Variants in POLR3A observed in about 807,000 individuals in gnomAD.
POLR3A encodes the protein DNA-directed RNA polymerase III subunit RPC1.
A neutral mutation model predicts 152.8 loss-of-function variants in POLR3A; 112 were observed. That is an observed-to-expected ratio of 0.73 (90% confidence interval 0.63 to 0.86). POLR3A has a LOEUF of 0.86. POLR3A is among the 40% of genes least tolerant of loss of function. The probability of loss-of-function intolerance (pLI) is 0.00; values close to 1 mark genes in which losing one functional copy is unlikely to be tolerated. For missense variants in POLR3A, 1,385 were observed against 1,743.1 expected, an observed-to-expected ratio of 0.79 and a Z score of 3.66; for synonymous variants, 615 against 652.1, an observed-to-expected ratio of 0.94 and a Z score of 0.87.
chr10:78,004,051 T>C (rs1847386357), intron 16 of POLR3A, among the ~76,000 whole-genome samples: 1 of 152,024 alleles, frequency 6.6e-6, no homozygotes, highest in South Asian at 2.1e-4. Flanking sequence ...CTGGCCAACA[T>C]GGTGAAACCC....
rs112379168 is a variant in POLR3A at position 77,980,039 on chromosome 10, C to T, written c.4024+102G>A. The T allele has an allele frequency of 1.3e-3, 1,351 of 1,044,670 alleles. 10 individuals are homozygous for T. The African/African-American group carries it at 0.017, about 13-fold the overall frequency. 64.7% of individuals were successfully genotyped at this position (1,044,670 alleles called of 1,614,324 possible). A position where few individuals can be genotyped will look rare whatever the true frequency, so the allele number is the denominator to read the frequency against. On this transcript the variant is annotated intron_variant, in intron 30 of 30. Transcript: ENST00000372371. Reference sequence around the variant, plus strand: ...TTGACATTATTCTTGAAAAAATAAACGCTCTGCCACTCAGTTTTTTTCATT... The same window carrying T: ...TTGACATTATTCTTGAAAAAATAAATGCTCTGCCACTCAGTTTTTTTCATT...
intron 21 of POLR3A, among the ~76,000 whole-genome samples, chr10:77,988,530 G>C (rs560312418): frequency 2.0e-5 from 3 of 152,044 alleles, no homozygotes; most frequent in Non-Finnish European, 4.4e-5. Flanking sequence ...TAATTCGCAA[G>C]AACTTTAGAG....
intron 1 of POLR3A, 129 bp downstream of exon 1, chr10:78,029,235 C>T: frequency 1.1e-6 from 1 of 939,042 alleles, no homozygotes; most frequent in Non-Finnish European, 1.7e-6. Context: ...GGGCGCTGGT[C>T]ACACCTATGG....
At chr10:77,985,101 A>C (rs1048773521) in intron 24 of POLR3A, 69 bp downstream of exon 24, 2 of 1,268,084 alleles carry the variant, frequency 1.6e-6, no homozygotes, top group Admixed American at 1.7e-5. Context: ...TGCATGTGAC[A>C]CGGGGATCAT....
At chr10:78,025,988 G>T (rs910196949) in intron 2 of POLR3A, 106 bp downstream of exon 2, 2 of 1,390,686 alleles carry the variant, frequency 1.4e-6, no homozygotes, top group East Asian at 4.6e-5. Context: ...TGTGCAGGGG[G>T]GAATTGAGGA....
chr10:78,012,878 C>T (rs1847480317), intron 11 of POLR3A, among the ~76,000 whole-genome samples: 1 of 152,186 alleles, frequency 6.6e-6, no homozygotes. Flanking sequence ...TGCGCCACCA[C>T]ACCTGGCTAA....
At chr10:78,003,650 C>T (rs12246219) in intron 16 of POLR3A, among the ~76,000 whole-genome samples, 18,747 of 152,086 alleles carry the variant, frequency 0.12, 2,250 homozygotes, top group African/African-American at 0.3. Context: ...AGGCTGGGCA[C>T]GGTGGCTCAT....
In POLR3A at chr10:77,983,936, C is replaced by T; in HGVS notation, c.3413G>A (p.Arg1138Lys). 1 of 1,608,114 alleles carries T rather than the reference C, an allele frequency of 6.2e-7. No individual in the cohort carries two copies. The highest frequency in any genetic ancestry group is 1.7e-5 in the Admixed American group (1 of 60,016). Residue 1138 changes from arginine to lysine, a missense_variant, in exon 26 of 31, where the codon AGG becomes AAG. This residue lies in a region of POLR3A where 332 missense variants were observed against 400.1 expected (regional missense o/e 0.83). Transcript: ENST00000372371. The part of the protein sequence containing the change: ...ILVKLSLERI[R>K]LLRLEVNAET... ...GTGACTCACTTCCAGTCTCAGAAGC[C>T]TAATCCGTTCCAGGGAGAGCTTGAC... is the stretch of plus-strand genomic sequence containing the variant.
rs1023874713 is a variant in POLR3A at position 77,977,424 on chromosome 10, A to G, written c.*54T>C. The G allele has an allele frequency of 4.4e-6, 7 of 1,589,564 alleles. No homozygotes were observed. Among genetic ancestry groups the G allele is most frequent in the African/African-American group, 2.7e-5 (2 of 74,426 alleles). ...GGGAGCACAAAACTCTTTATACATC[A>G]GCTGGAGACAGGACAAGGAGTCAAG... On this transcript the variant is annotated 3_prime_UTR_variant, in exon 31 of 31. Transcript: ENST00000372371.
chr10:78,019,211 C>T lies in POLR3A; in HGVS notation c.1240G>A (p.Val414Ile). ...LRKLVQNGPE[V>I]HPGANFIQQR... ...TGAATGAAGTTTGCTCCTGGGTGAACCTCAGGGCCGTTTTGAACCAGTTTC... is the reference window on the plus strand; with the variant it reads ...TGAATGAAGTTTGCTCCTGGGTGAATCTCAGGGCCGTTTTGAACCAGTTTC... Residue 414 changes from valine (V) to isoleucine (I), a missense_variant, in exon 9 of 31, where the codon GTT (valine) becomes ATT (isoleucine). Physicochemically the swap from Val to Ile is conservative, Grantham distance 29 (BLOSUM62 3). This residue lies in a region of POLR3A where 493 missense variants were observed against 647.5 expected (regional missense o/e 0.76). Transcript: ENST00000372371. The T allele has an allele frequency of 6.2e-7, 1 of 1,613,996 alleles. No individual in the cohort carries two copies. Among genetic ancestry groups the T allele is most frequent in the Non-Finnish European group, 8.5e-7 (1 of 1,179,966 alleles).
At chr10:78,018,907 T>C (rs1163409149) in intron 9 of POLR3A, among the ~76,000 whole-genome samples, 5 of 152,176 alleles carry the variant, frequency 3.3e-5, no homozygotes, top group Admixed American at 6.5e-5. Flanking sequence ...CTTTAGACTT[T>C]AGTATCCATG....
In POLR3A at chr10:77,988,255, C is replaced by T. The variant is rs138118317; in HGVS notation, c.2902-2096G>A. ...AAGTTTTACCAGCTGGGTGCGGTAG[C>T]TCATGCCTGTAATCCCAGCACTTTG... On this transcript the variant is annotated intron_variant, in intron 21 of 30. Transcript: ENST00000372371. Among the ~76,000 whole-genome samples, 524 of 152,308 alleles carry T rather than the reference C, an allele frequency of 3.4e-3. 5 individuals carry two copies. Among genetic ancestry groups the T allele is most frequent in the African/African-American group, 0.012 (489 of 41,566 alleles).
chr10:77,989,102 A>T (rs868776210), intron 21 of POLR3A, among the ~76,000 whole-genome samples: 1 of 152,228 alleles, frequency 6.6e-6, no homozygotes. Context: ...GTTTAAAAAT[A>T]AAAAAAGAAA....
Position 78,009,972 on chromosome 10 carries a change from G to C in POLR3A, c.1662C>G (p.Leu554=). 2.5e-6 allele frequency: 4 copies of C among 1,614,090 alleles called. No homozygotes were observed. The South Asian group carries it at 3.3e-5, about 13-fold the overall frequency. The stretch of plus-strand genomic sequence containing the variant: ...TGGCTCGATCAAAGAAAGTGTCCTT[G>C]AGAGTGAGGAGATAGGCACCTAAGC... ...DFLTGAYLLT[L]KDTFFDRAKA... Residue 554 remains leucine (L), a synonymous_variant, in exon 13 of 31, where the codon CTC becomes CTG. Transcript: ENST00000372371.
Position 78,008,012 on chromosome 10 carries a change from G to A in POLR3A, c.1910-146C>T, listed in dbSNP as rs1015721500. 7 of 519,270 alleles carry A rather than the reference G, an allele frequency of 1.3e-5. 1 individual carries two copies. Among genetic ancestry groups the A allele is most frequent in the African/African-American group, 5.9e-5 (3 of 50,564 alleles). The allele number at this position is 519,270 out of a possible 1,614,324, so 32.2% of individuals were successfully genotyped here. ...AATTCTCCTCAAAGCTTTTTTTTGG[G>A]GGGAGGGAGGGGGGGTTAAAGGAAA... On this transcript the variant is annotated intron_variant, in intron 14 of 30. Transcript: ENST00000372371.
chr10:78,010,473 G>T lies in POLR3A; in HGVS notation c.1640C>A (p.Thr547Lys). The change falls in exon 12 of 31, where the codon ACA (threonine) becomes AAA (lysine). Residue 547 changes from threonine (T) to lysine (K), a missense_variant and splice_region_variant. Thr to Lys is a moderately conservative substitution (Grantham distance 78). Coordinates refer to ENST00000372371, the MANE Select transcript of POLR3A (RefSeq NM_007055.4). ...PLIAAIQDFL[T>K]GAYLLTLKDT... Reference sequence around the variant, plus strand: ...TCAAGTGAACTTCACCAACCTACCTGTTAGAAAATCCTGAATAGCAGCAAT... The same window carrying T: ...TCAAGTGAACTTCACCAACCTACCTTTTAGAAAATCCTGAATAGCAGCAAT... 1.9e-6 allele frequency: 3 copies of T among 1,611,830 alleles called. No individual in the cohort carries two copies. Among genetic ancestry groups the T allele is most frequent in the Non-Finnish European group, 2.5e-6 (3 of 1,177,872 alleles).
chr10:78,005,482 A>C (rs182752918), intron 15 of POLR3A, among the ~76,000 whole-genome samples: 7 of 152,364 alleles, frequency 4.6e-5, no homozygotes, highest in Admixed American at 3.9e-4. Flanking sequence ...CTTTGATGGA[A>C]CTAGGTGCCA....
intron 14 of POLR3A, among the ~76,000 whole-genome samples, chr10:78,009,136 G>C (rs1365524264): frequency 8.9e-6 from 1 of 112,896 alleles, no homozygotes; most frequent in Non-Finnish European, 1.7e-5. Context: ...CTGGGTGACA[G>C]AGCAAGACTT....
chr10:78,004,675 G>A (rs1266422677), intron 16 of POLR3A, 41 bp downstream of exon 16: 3 of 1,527,368 alleles, frequency 2.0e-6, no homozygotes, highest in South Asian at 1.1e-5. Context: ...TAGCCACTGT[G>A]CACGGCAAGT....
Sources: allele counts gnomAD v4.1 joint callset (sites outside exome capture counted in the v4.1 genomes callset), GRCh38; gene constraint gnomAD v4.1.1; regional missense constraint gnomAD v4.1.1; transcripts MANE v1.5; gene names NCBI Gene and HGNC (gene_info 2026-07-23, HGNC 2026-07-21).